SLC24A2: variants seen among roughly 807,000 people sequenced by gnomAD.
SLC24A2 encodes the protein sodium/potassium/calcium exchanger 2.
SLC24A2 carries 36 observed loss-of-function variants against 62.0 expected under a neutral mutation model. The observed-to-expected ratio is 0.58, with a 90% CI of 0.44 to 0.77. The LOEUF (loss-of-function observed/expected upper bound fraction) is 0.77. Among genes scored for constraint, SLC24A2 ranks in the 30% least tolerant of loss-of-function variants. The pLI is 0.00. For missense variants in SLC24A2, 846 were observed against 817.9 expected (o/e 1.03, Z -0.42); for synonymous variants, 358 against 294.0 (o/e 1.22, Z -2.23).
the SLC24A2 span, among the ~76,000 whole-genome samples, chr9:20,024,893 A>T: frequency 6.6e-6 from 1 of 152,066 alleles, no homozygotes; most frequent in African/African-American, 2.4e-5. Context: ...TTACTGAGAA[A>T]CACCTGAGGG....
chr9:20,179,203 G>A, the SLC24A2 span, among the ~76,000 whole-genome samples: 1 of 152,072 alleles, frequency 6.6e-6, no homozygotes. Context: ...GGGCCCAAGG[G>A]GACTGTGCCT....
chr9:19,849,865 G>A, the SLC24A2 span, among the ~76,000 whole-genome samples: 85 of 152,228 alleles, frequency 5.6e-4, 1 homozygote, highest in Non-Finnish European at 1.2e-3. Context: ...TCTCTGTAAT[G>A]AATTTAGATA....
the SLC24A2 span, among the ~76,000 whole-genome samples, chr9:20,121,385 C>T: frequency 6.6e-6 from 1 of 151,810 alleles, no homozygotes; most frequent in Non-Finnish European, 1.5e-5. Flanking sequence ...TTTAAAAATA[C>T]CACCTTGCAA....
At chr9:20,261,808 C>T in the SLC24A2 span, among the ~76,000 whole-genome samples, 20,975 of 134,762 alleles carry the variant, frequency 0.16, 1,545 homozygotes, top group Middle Eastern at 0.21. Flanking sequence ...GGCACGATCT[C>T]GGCTCACTGC....
chr9:20,037,137 A>G, the SLC24A2 span, among the ~76,000 whole-genome samples: 2 of 151,986 alleles, frequency 1.3e-5, no homozygotes, highest in Non-Finnish European at 2.9e-5. Context: ...ACCCCAGGTT[A>G]CCCACCCACC....
At chr9:19,589,806 A>T (rs1836496931) in intron 5 of SLC24A2, among the ~76,000 whole-genome samples, 1 of 152,202 alleles carries the variant, frequency 6.6e-6, no homozygotes, top group South Asian at 2.1e-4. Flanking sequence ...ATAGGGTTTA[A>T]GTAGACTGCA....
the SLC24A2 span, among the ~76,000 whole-genome samples, chr9:20,230,146 A>G: frequency 5.3e-5 from 8 of 152,096 alleles, no homozygotes; most frequent in Non-Finnish European, 1.2e-4. Flanking sequence ...TTGGACATTT[A>G]GGCTAGTTCC....
chr9:19,891,018 T>A, the SLC24A2 span, among the ~76,000 whole-genome samples: 2 of 152,116 alleles, frequency 1.3e-5, no homozygotes, highest in African/African-American at 4.8e-5. Flanking sequence ...TACCCTAATA[T>A]CCCCCACTTG....
At chr9:19,855,523 G>A in the SLC24A2 span, among the ~76,000 whole-genome samples, 5 of 152,138 alleles carry the variant, frequency 3.3e-5, no homozygotes, top group Non-Finnish European at 7.4e-5. Context: ...GTCTGAAAAG[G>A]ATTTTATTTT....
At chr9:19,548,435 T>C (rs1455321847) in intron 8 of SLC24A2, among the ~76,000 whole-genome samples, 1 of 152,202 alleles carries the variant, frequency 6.6e-6, no homozygotes, top group Non-Finnish European at 1.5e-5. Context: ...ATGCCAACAA[T>C]ATACATATTC....
At chr9:19,855,320 G>T in the SLC24A2 span, among the ~76,000 whole-genome samples, 1 of 152,120 alleles carries the variant, frequency 6.6e-6, no homozygotes, top group Non-Finnish European at 1.5e-5. Context: ...GTGTGAATTT[G>T]ATCCTGTCAT....
At chr9:19,728,402 G>A (rs1303350365) in intron 2 of SLC24A2, among the ~76,000 whole-genome samples, 1 of 152,078 alleles carries the variant, frequency 6.6e-6, no homozygotes, top group East Asian at 1.9e-4. Context: ...TGGGCATTAA[G>A]GGGACTAAGC....
chr9:19,546,245 G>C (rs1169926816), intron 8 of SLC24A2, among the ~76,000 whole-genome samples: 1 of 152,214 alleles, frequency 6.6e-6, no homozygotes, highest in African/African-American at 2.4e-5. Context: ...GCTCTCTTCA[G>C]AGCCAGTAGG....
the SLC24A2 span, among the ~76,000 whole-genome samples, chr9:20,063,477 C>T: frequency 0.27 from 34,052 of 126,488 alleles, 4,557 homozygotes; most frequent in Middle Eastern, 0.48. Flanking sequence ...GAACATCACA[C>T]TCTGGGGACT....
At chr9:19,851,206 G>A in the SLC24A2 span, among the ~76,000 whole-genome samples, 1 of 149,334 alleles carries the variant, frequency 6.7e-6, no homozygotes, top group East Asian at 2.0e-4. Context: ...GTACTTTTTA[G>A]TAGAGATGGG....
At chr9:20,234,328 A>G in the SLC24A2 span, among the ~76,000 whole-genome samples, 3 of 152,210 alleles carry the variant, frequency 2.0e-5, no homozygotes, top group Non-Finnish European at 4.4e-5. Flanking sequence ...GTGTTTTCCA[A>G]CTTGGTTCCA....
At chr9:20,192,754 C>G in the SLC24A2 span, among the ~76,000 whole-genome samples, 1 of 152,132 alleles carries the variant, frequency 6.6e-6, no homozygotes, top group South Asian at 2.1e-4. Context: ...GCCTGGGCAT[C>G]AGTATTTTTT....
At chr9:19,905,016 A>G in the SLC24A2 span, among the ~76,000 whole-genome samples, 2 of 152,170 alleles carry the variant, frequency 1.3e-5, no homozygotes, top group African/African-American at 4.8e-5. Flanking sequence ...AATATATAGC[A>G]AGTCTTGAAA....
intron 5 of SLC24A2, among the ~76,000 whole-genome samples, chr9:19,582,837 G>C (rs1836247545): frequency 6.6e-6 from 1 of 152,074 alleles, no homozygotes; most frequent in African/African-American, 2.4e-5. Flanking sequence ...CCATCTACCA[G>C]CAAATCTGGT....
Sources: gnomAD v4.1 joint callset for allele counts (sites outside exome capture counted in the v4.1 genomes callset) on GRCh38, gnomAD v4.1.1 for gene constraint, MANE v1.5 for transcripts, NCBI Gene and HGNC (gene_info 2026-07-23, HGNC 2026-07-21) for gene names.